NDUFAF1: variants seen among roughly 807,000 people sequenced by gnomAD.
NDUFAF1 encodes complex I intermediate-associated protein 30, mitochondrial.
NDUFAF1 carries 18 observed loss-of-function variants against 28.7 expected under a neutral mutation model. That is an observed-to-expected ratio of 0.63 (90% CI 0.43 to 0.93). The LOEUF is 0.93. Ranked by LOEUF, NDUFAF1 falls within the 40% of genes least tolerant of loss-of-function variation. NDUFAF1 has a pLI of 0.00. For synonymous variants in NDUFAF1, 113 were observed against 139.7 expected (o/e 0.81, Z 1.35); for missense variants, 404 against 398.3 (o/e 1.01, Z -0.12).
At chr15:41,391,008 G>A (rs937950389) in intron 3 of NDUFAF1, among the ~76,000 whole-genome samples, 14 of 151,896 alleles carry the variant, frequency 9.2e-5, no homozygotes, top group African/African-American at 1.4e-4. Flanking sequence ...CAGCCTGGGC[G>A]ACAGTGCGAG....
intron 2 of NDUFAF1, among the ~76,000 whole-genome samples, chr15:41,395,393 G>T (rs543348138): frequency 6.5e-4 from 96 of 147,618 alleles, no homozygotes; most frequent in Non-Finnish European, 1.3e-3. Flanking sequence ...TTTTTGAGAC[G>T]GAGTCTTGCT....
rs185742003 is a variant in NDUFAF1, at chr15:41,402,132, T to G, written c.-82+12A>C. 1.1e-4 allele frequency: 50 copies of G among 448,238 alleles called. No homozygotes were observed. Among genetic ancestry groups the G allele is most frequent in the African/African-American group, 9.4e-4 (47 of 49,982 alleles). The allele number at this position is 448,238 out of a possible 1,614,324, so 27.8% of individuals were successfully genotyped here. ...GAAGTGAGTAGAATTAGTAAAGCTA[T>G]CCATGCCTTACCATGTGCCAGAAAC... is the stretch of plus-strand genomic sequence containing the variant. On this transcript the variant is annotated intron_variant, in intron 1 of 4. Transcript: ENST00000260361.
chr15:41,399,410 AGCTGGGCATGGT>A (rs2050432107), intron 1 of NDUFAF1, among the ~76,000 whole-genome samples: 1 of 150,408 alleles, frequency 6.6e-6, no homozygotes, highest in Admixed American at 6.6e-5. Flanking sequence ...AAAAAAAATT[AGCTGGGCATGGT>A]GGTGGGCACC....
intron 1 of NDUFAF1, among the ~76,000 whole-genome samples, chr15:41,400,688 A>ATTTTTTT (rs58010983): frequency 5.9e-4 from 58 of 97,810 alleles, no homozygotes; most frequent in African/African-American, 2.3e-3. Context: ...ATGCCCAGCT[A>ATTTTTTT]TTTTTTTTTT....
chr15:41,387,405 G>C lies in NDUFAF1; in HGVS notation c.*39C>G. On this transcript the variant is annotated 3_prime_UTR_variant, in exon 5 of 5. Coordinates refer to ENST00000260361, the MANE Select transcript of NDUFAF1 (RefSeq NM_016013.4). The stretch of plus-strand genomic sequence containing the variant: ...TTTGTCTATATCATTGTAGATGCTA[G>C]TACCCTTAGATTAGTAAAACAAAAC... The C allele has an allele frequency of 1.3e-6, 2 of 1,578,146 alleles. No homozygotes were observed. Among genetic ancestry groups the C allele is most frequent in the East Asian group, 4.5e-5 (2 of 44,460 alleles).
At position 41,387,462 on chromosome 15, in the gene NDUFAF1, G is replaced by A. The variant is rs1178205955; in HGVS notation, c.966C>T (p.Asn322=). Residue 322 remains asparagine (N), a synonymous_variant, in exon 5 of 5, where the codon AAC becomes AAT. Coordinates refer to ENST00000260361, the MANE Select transcript of NDUFAF1 (RefSeq NM_016013.4). The part of the protein sequence containing the change: ...EFAYENSPEL[N]PRLFK ...ATGATCTTTATTTAAAAAGCCTTGG[G>A]TTAAGCTCTGGAGAATTTTCATAGG... 1 of 1,613,698 alleles carries A rather than the reference G, an allele frequency of 6.2e-7. No homozygotes were observed. The highest frequency in any genetic ancestry group is 2.2e-5 in the East Asian group (1 of 44,850).
intron 1 of NDUFAF1, among the ~76,000 whole-genome samples, chr15:41,399,666 A>C (rs2050435494): frequency 6.6e-6 from 1 of 151,288 alleles, no homozygotes; most frequent in African/African-American, 2.4e-5. Context: ...CATCCCGGCT[A>C]AAACGGTGAA....
Position 41,397,137 on chromosome 15 carries a change from C to A in NDUFAF1, c.-78G>T. ...AGAAGCTTCAGCAAATAGCCCAATT[C>A]TACCTATAACAGAAGAGACATTGAA... On this transcript the variant is annotated 5_prime_UTR_variant, in exon 2 of 5. The change creates a premature stop within an existing upstream ORF in the 5' untranslated region. Transcript: ENST00000260361. 8.8e-7 allele frequency: 1 copy of A among 1,134,412 alleles called. No individual in the cohort carries two copies. Among genetic ancestry groups the A allele is most frequent in the Non-Finnish European group, 1.3e-6 (1 of 766,914 alleles). The allele number at this position is 1,134,412 out of a possible 1,614,324, so 70.3% of individuals were successfully genotyped here.
At chr15:41,388,671 A>G in intron 3 of NDUFAF1, 149 bp from the exon 4 acceptor site, 3 of 643,962 alleles carry the variant, frequency 4.7e-6, no homozygotes, top group East Asian at 2.8e-5. Context: ...GATCAAAGAT[A>G]TAACTCAGGC....
rs2050362062 is a variant in NDUFAF1, at chr15:41,394,845, A to T, written c.759+14T>A. ...GACCTCATTTTTATAAACAATGAAG[A>T]TTTATGCTGTTACCTTGACCTCCTG... On this transcript the variant is annotated intron_variant, in intron 3 of 4. Coordinates refer to ENST00000260361, the MANE Select transcript of NDUFAF1 (RefSeq NM_016013.4). 2 of 1,613,506 alleles carry T rather than the reference A, an allele frequency of 1.2e-6. No individual in the cohort carries two copies. Among genetic ancestry groups the T allele is most frequent in the Non-Finnish European group, 8.5e-7 (1 of 1,179,726 alleles).
At position 41,396,839 on chromosome 15, in the gene NDUFAF1, G is replaced by A. The variant is rs1157248486; in HGVS notation, c.221C>T (p.Ser74Phe). Residue 74 changes from serine to phenylalanine, a missense_variant, in exon 2 of 5, where the codon TCT (serine) becomes TTT (phenylalanine). By Grantham distance (155) the Ser-to-Phe change is radical. Transcript: ENST00000260361. Reference protein sequence around the residue: ...QKEVALDITSSEEKPDVSFDK... With the variant: ...QKEVALDITSFEEKPDVSFDK... ...GAAACTAACATCAGGCTTCTCCTCA[G>A]AAGAAGTTATATCCAAAGCAACTTC... The A allele has an allele frequency of 3.1e-6, 5 of 1,613,980 alleles. No homozygotes were observed. Among genetic ancestry groups the A allele is most frequent in the Non-Finnish European group, 4.2e-6 (5 of 1,180,020 alleles).
In NDUFAF1 at chr15:41,402,217, C is replaced by T. The variant is rs987669439; in HGVS notation, c.-155G>A. On this transcript the variant is annotated 5_prime_UTR_variant, in exon 1 of 5. Transcript: ENST00000260361. ...CCTGAGAGAGGTACTATTATTATTT[C>T]AATTATAGAGACGAAGAAACTGACG... 8.8e-6 allele frequency: 4 copies of T among 453,958 alleles called. No homozygotes were observed. The highest frequency in any genetic ancestry group is 1.8e-5 in the Non-Finnish European group (4 of 226,790). 28.1% of individuals were successfully genotyped at this position (453,958 alleles called of 1,614,324 possible). A position where few individuals can be genotyped will look rare whatever the true frequency, so the allele number is the denominator to read the frequency against.
At position 41,394,469 on chromosome 15, in the gene NDUFAF1, C is replaced by T. The variant is rs939279588; in HGVS notation, c.759+390G>A. The T allele has an allele frequency of 1.6e-4, 126 of 812,818 alleles. 1 individual carries two copies. The highest frequency in any genetic ancestry group is 2.2e-4 in the Non-Finnish European group (122 of 556,670). The allele number at this position is 812,818 out of a possible 1,614,324, so 50.4% of individuals were successfully genotyped here. A position where few individuals can be genotyped will look rare whatever the true frequency, so the allele number is the denominator to read the frequency against. On this transcript the variant is annotated intron_variant, in intron 3 of 4. Coordinates refer to ENST00000260361, the MANE Select transcript of NDUFAF1 (RefSeq NM_016013.4). ...AGCATGGACCTGGCCACATCCATAT[C>T]AAAAATATTCACTAGTTAGTATGTT... is the stretch of plus-strand genomic sequence containing the variant.
rs1438657324 is a variant in NDUFAF1 at position 41,394,961 on chromosome 15, C to A, written c.657G>T (p.Trp219Cys). The A allele has an allele frequency of 6.2e-7, 1 of 1,614,138 alleles. No homozygotes were observed. Among genetic ancestry groups the A allele is most frequent in the East Asian group, 2.2e-5 (1 of 44,886 alleles). Residue 219 changes from tryptophan to cysteine, a missense_variant, in exon 3 of 5, where the codon TGG (tryptophan) becomes TGT (cysteine). By Grantham distance (215) the Trp-to-Cys change is radical. Coordinates refer to ENST00000260361, the MANE Select transcript of NDUFAF1 (RefSeq NM_016013.4). ...YLRVRGDGRP[W>C]MVNIKEDTDF... ...CTGTGTCCTCCTTGATATTCACCAT[C>A]CAAGGCCGACCATCCCCACGTACAC...
At chr15:41,394,019 CT>C (rs549825524) in intron 3 of NDUFAF1, 5,490 of 129,736 alleles carry the variant, frequency 0.042, 247 homozygotes, top group East Asian at 0.14. Flanking sequence ...TAGGACACTA[CT>C]TTTTTTTTTT....
chr15:41,395,858 G>T, intron 2 of NDUFAF1, among the ~76,000 whole-genome samples: 1 of 151,526 alleles, frequency 6.6e-6, no homozygotes, highest in East Asian at 2.0e-4. Flanking sequence ...GGCCAAGGGT[G>T]GGGTGGATCA....
intron 2 of NDUFAF1, among the ~76,000 whole-genome samples, chr15:41,395,620 T>C (rs1162164120): frequency 6.7e-6 from 1 of 150,362 alleles, no homozygotes; most frequent in Non-Finnish European, 1.5e-5. Context: ...TCCGCCCACC[T>C]TGGCCACCCA....
chr15:41,400,759 G>C (rs1286493201), intron 1 of NDUFAF1, among the ~76,000 whole-genome samples: 3 of 136,738 alleles, frequency 2.2e-5, no homozygotes, highest in African/African-American at 8.4e-5. Context: ...GGATGGTCTC[G>C]ATCTCCTGAC....
intron 3 of NDUFAF1, 84 bp downstream of exon 3, chr15:41,394,775 C>A: frequency 6.8e-7 from 1 of 1,476,956 alleles, no homozygotes; most frequent in African/African-American, 1.4e-5. Context: ...ACCTCGGCCT[C>A]CCAAATTGCT....
Sources: allele counts gnomAD v4.1 joint callset (sites outside exome capture counted in the v4.1 genomes callset), GRCh38; gene constraint gnomAD v4.1.1; transcripts MANE v1.5; gene names NCBI Gene and HGNC (gene_info 2026-07-23, HGNC 2026-07-21).